The following LCT variants were observed in gnomAD, a reference collection of about 807,000 sequenced individuals.
LCT encodes lactase/phlorizin hydrolase.
Under a neutral mutation model 173.0 loss-of-function variants are expected in LCT, and 90 were observed. The ratio of observed to expected loss-of-function variants is 0.52; its 90% confidence interval spans 0.44 to 0.62. The LOEUF is 0.62. Among genes scored for constraint, LCT ranks in the 20% least tolerant of loss-of-function variants. LCT has a pLI of 0.00. For missense variants in LCT, 1,864 were observed against 2,431.4 expected, an observed-to-expected ratio of 0.77 and a Z score of 4.91; for synonymous variants, 853 against 957.6, an observed-to-expected ratio of 0.89 and a Z score of 2.02.
At chr2:135,836,385 T>A in intron 1 of LCT, 145 bp downstream of exon 1, 2 of 796,538 alleles carry the variant, frequency 2.5e-6, no homozygotes, top group Non-Finnish European at 2.2e-6. Flanking sequence ...GAAATCAATT[T>A]ACAATATTAA....
intron 8 of LCT, 142 bp downstream of exon 8, chr2:135,808,301 C>T: frequency 2.4e-6 from 2 of 823,294 alleles, no homozygotes; most frequent in Non-Finnish European, 4.3e-6. Flanking sequence ...CATATAACCC[C>T]CAAACAGATA....
At chr2:135,791,815 A>G (rs2077535085) in intron 14 of LCT, among the ~76,000 whole-genome samples, 1 of 152,234 alleles carries the variant, frequency 6.6e-6, no homozygotes, top group African/African-American at 2.4e-5. Context: ...GGACACAGTC[A>G]GAGCTACTGG....
Position 135,805,008 on chromosome 2 carries a change from G to A in LCT, c.4223C>T (p.Thr1408Met), listed in dbSNP as rs764886525. 1.4e-5 allele frequency: 22 copies of A among 1,614,132 alleles called. No homozygotes were observed. The highest frequency in any genetic ancestry group is 1.1e-4 in the East Asian group (5 of 44,876). The change falls in exon 10 of 17, where the codon ACG (threonine) becomes ATG (methionine). Residue 1408 changes from threonine to methionine, a missense_variant. This residue lies in a region of LCT where 514 missense variants were observed against 750.1 expected (regional missense o/e 0.69). Transcript: ENST00000264162. ...AACCCTCAGTGGTGTGTGAGAAAAC[G>A]TGTCCCAAATGCTGAGTCCTTTGCC... is the stretch of plus-strand genomic sequence containing the variant. Reference protein sequence around the residue: ...ADGKGLSIWDTFSHTPLRVEN... With the variant: ...ADGKGLSIWDMFSHTPLRVEN...
intron 14 of LCT, 38 bp downstream of exon 14, chr2:135,794,603 T>C: frequency 6.2e-7 from 1 of 1,611,016 alleles, no homozygotes; most frequent in Non-Finnish European, 8.5e-7. Flanking sequence ...TTCTGCCTTT[T>C]CCAGAGATGG....
At chr2:135,832,102 G>A (rs905545050) in intron 2 of LCT, among the ~76,000 whole-genome samples, 6 of 152,044 alleles carry the variant, frequency 3.9e-5, no homozygotes, top group Non-Finnish European at 7.4e-5. Flanking sequence ...TGTAATCCCA[G>A]CTACTTGGGA....
chr2:135,830,417 G>A (rs970980961), intron 2 of LCT, among the ~76,000 whole-genome samples: 4 of 152,124 alleles, frequency 2.6e-5, no homozygotes, highest in Admixed American at 1.3e-4. Context: ...CTGGCTGGCC[G>A]TACCTGTCTA....
chr2:135,804,193 G>A (rs1418398053), intron 10 of LCT, 65 bp from the exon 11 acceptor site: 1 of 1,268,822 alleles, frequency 7.9e-7, no homozygotes, highest in African/African-American at 1.5e-5. Flanking sequence ...TAGGTTAGAT[G>A]TGCCAGCATC....
rs531412235 is a variant in LCT, at chr2:135,795,765, G to A, written c.4977-990C>T. ...CTTCCTTTTTTTTTTCCCAGACAGGGTCTCGCCCTGTCCTCCTGAGGACAC... is the reference window on the plus strand; with the variant it reads ...CTTCCTTTTTTTTTTCCCAGACAGGATCTCGCCCTGTCCTCCTGAGGACAC... On this transcript the variant is annotated intron_variant, in intron 13 of 16. Coordinates refer to ENST00000264162, the MANE Select transcript of LCT (RefSeq NM_002299.4). Among the ~76,000 whole-genome samples, 2 of 151,028 alleles carry A rather than the reference G, an allele frequency of 1.3e-5. 1 individual carries two copies. Among genetic ancestry groups the A allele is most frequent in the East Asian group, 3.9e-4 (2 of 5,124 alleles).
rs747424045 is a variant in LCT, at chr2:135,818,004, G to A, written c.1044C>T (p.His348=). Reference sequence around the variant, plus strand: ...AGGCAGGAGAGGAGTCCGTGGTCTCGTGGTCCTGCTGCTGGTCAGGCTGAA... The same window carrying A: ...AGGCAGGAGAGGAGTCCGTGGTCTCATGGTCCTGCTGCTGGTCAGGCTGAA... The part of the protein sequence containing the change: ...LALQPDQQQD[H]ETTDSSPASA... The change falls in exon 6 of 17, where the codon CAC becomes CAT. Residue 348 remains histidine, a synonymous_variant. Transcript: ENST00000264162. 24 of 1,613,376 alleles carry A rather than the reference G, an allele frequency of 1.5e-5. No homozygotes were observed. The highest frequency in any genetic ancestry group is 2.2e-5 in the East Asian group (1 of 44,884).
rs769135750 is a variant in LCT, at chr2:135,836,990, G to A, written c.180C>T (p.Asp60=). 3 of 1,613,784 alleles carry A rather than the reference G, an allele frequency of 1.9e-6. No homozygotes were observed. The highest frequency in any genetic ancestry group is 8.5e-7 in the Non-Finnish European group (1 of 1,179,686). The change falls in exon 1 of 17, where the codon GAC becomes GAT. Residue 60 remains aspartate (D), a synonymous_variant. Transcript: ENST00000264162. ...QSSNFVAGDK[D]MYVCHQPLPT... Reference sequence around the variant, plus strand: ...GCAGTGGCTGGTGACAAACATACATGTCTTTGTCCCCTGCTACAAAGTTAG... The same window carrying A: ...GCAGTGGCTGGTGACAAACATACATATCTTTGTCCCCTGCTACAAAGTTAG...
Position 135,822,071 on chromosome 2 carries a change from A to G in LCT, c.935T>C (p.Ile312Thr), listed in dbSNP as rs749365569. 28 of 1,606,160 alleles carry G rather than the reference A, an allele frequency of 1.7e-5. No homozygotes were observed. The East Asian group carries it at 5.3e-4, about 31-fold the overall frequency. ...CAGAAACTCATTAATATCAAACCCA[A>G]TGGTGAGCACTTGGTCTTTATTTAT... is the stretch of plus-strand genomic sequence containing the variant. The part of the protein sequence containing the change: ...EAINKDQVLT[I>T]GFDINEFLSC... Residue 312 changes from isoleucine (I) to threonine (T), a missense_variant, in exon 5 of 17, where the codon ATT (isoleucine) becomes ACT (threonine). Ile to Thr is a moderately conservative substitution (Grantham distance 89). Transcript: ENST00000264162.
chr2:135,824,992 C>CAA (rs5834449), intron 3 of LCT, among the ~76,000 whole-genome samples: 17 of 110,170 alleles, frequency 1.5e-4, no homozygotes, highest in African/African-American at 5.0e-4. Context: ...GGCTCCATCT[C>CAA]AAAAAAAAAA....
intron 14 of LCT, among the ~76,000 whole-genome samples, chr2:135,792,044 T>C (rs888684968): frequency 1.3e-5 from 2 of 152,176 alleles, no homozygotes; most frequent in East Asian, 3.8e-4. Context: ...GCAAACTCCA[T>C]GAGACAGCTG....
At position 135,812,454 on chromosome 2, in the gene LCT, T is replaced by C. The variant is rs761795547; in HGVS notation, c.2210A>G (p.Gln737Arg). The part of the protein sequence containing the change: ...VVPWGIRRLL[Q>R]FVSLEYTRGK... ...TCTTGTGTATTCCAGGGATACAAAC[T>C]GCAACAGCCTCCTTATCCCCCAGGG... The change falls in exon 7 of 17, where the codon CAG becomes CGG. Residue 737 changes from glutamine (Q) to arginine (R), a missense_variant. Transcript: ENST00000264162. 5 of 1,614,222 alleles carry C rather than the reference T, an allele frequency of 3.1e-6. No homozygotes were observed. In the East Asian group the frequency reaches 8.9e-5, roughly 29 times the overall value.
intron 13 of LCT, 46 bp from the exon 14 acceptor site, chr2:135,794,821 G>C (rs1470387197): frequency 6.2e-7 from 1 of 1,612,526 alleles, no homozygotes; most frequent in Non-Finnish European, 8.5e-7. Flanking sequence ...GGAGAGCCAT[G>C]CTTTGAGAAG....
intron 1 of LCT, among the ~76,000 whole-genome samples, chr2:135,836,008 A>T (rs1212467548): frequency 5.2e-5 from 1 of 19,338 alleles, no homozygotes. Flanking sequence ...ATATATATAT[A>T]TATATATGTA....
chr2:135,808,804 T>C lies in LCT; in HGVS notation c.3543A>G (p.Leu1181=), dbSNP rs755928203. Residue 1181 remains leucine, a synonymous_variant, in exon 8 of 17, where the codon TTA becomes TTG. Coordinates refer to ENST00000264162, the MANE Select transcript of LCT (RefSeq NM_002299.4). ...KVGNRSELQH[L]ATSRLPSFTE... ...TGAAGCTTGGCAGGCGGGAGGTGGCTAAGTGCTGCAGTTCACTCCTGTTCC... is the reference window on the plus strand; with the variant it reads ...TGAAGCTTGGCAGGCGGGAGGTGGCCAAGTGCTGCAGTTCACTCCTGTTCC... 8 of 1,613,674 alleles carry C rather than the reference T, an allele frequency of 5.0e-6. No individual in the cohort carries two copies. Among genetic ancestry groups the C allele is most frequent in the Admixed American group, 3.3e-5 (2 of 60,008 alleles).
intron 9 of LCT, among the ~76,000 whole-genome samples, chr2:135,805,527 G>A (rs1460576872): frequency 6.6e-6 from 1 of 152,174 alleles, no homozygotes; most frequent in African/African-American, 2.4e-5. Context: ...CCTATTTTCT[G>A]TATGAGTAAG....
intron 11 of LCT, among the ~76,000 whole-genome samples, chr2:135,801,230 T>C (rs183389661): frequency 3.9e-4 from 59 of 152,202 alleles, no homozygotes; most frequent in African/African-American, 1.4e-3. Flanking sequence ...ATTTAAGAAA[T>C]GCTTAGGCTG....
Sources: allele counts gnomAD v4.1 joint callset (sites outside exome capture counted in the v4.1 genomes callset), GRCh38; gene constraint gnomAD v4.1.1; regional missense constraint gnomAD v4.1.1; transcripts MANE v1.5; gene names NCBI Gene and HGNC (gene_info 2026-07-23, HGNC 2026-07-21).